Variants in MACROD2 observed in about 807,000 individuals in gnomAD.
The protein encoded by MACROD2 is ADP-ribose glycohydrolase MACROD2.
Under a neutral mutation model 70.4 loss-of-function variants are expected in MACROD2, and 36 were observed. The observed-to-expected ratio is 0.51, with a 90% CI of 0.39 to 0.68. The LOEUF (loss-of-function observed/expected upper bound fraction) is 0.68, where lower values mean the gene tolerates loss of function less well. Among genes scored for constraint, MACROD2 ranks in the 30% least tolerant of loss-of-function variants. The pLI, the probability that MACROD2 is intolerant of heterozygous loss-of-function variation, is 0.00. For synonymous variants in MACROD2, 172 were observed against 178.8 expected (o/e 0.96, Z 0.30); for missense variants, 496 against 538.4 (o/e 0.92, Z 0.78).
In MACROD2 at chr20:14,677,554, GGGT is replaced by G. The variant is rs1413443478; in HGVS notation, c.302-7285_302-7283del. Reference sequence around the variant, plus strand: ...TGCAAGCATTTTGGCCTTCTTATCAGGGTGGTAAATGACAGGTATGTCAGTACA... The same window carrying G: ...TGCAAGCATTTTGGCCTTCTTATCAGGGTAAATGACAGGTATGTCAGTACA... On this transcript the variant is annotated intron_variant, in intron 4 of 17. Coordinates refer to ENST00000684519, the MANE Select transcript of MACROD2 (RefSeq NM_001351661.2). Among the ~76,000 whole-genome samples, 5 of 152,300 alleles carry G rather than the reference GGGT, an allele frequency of 3.3e-5. No homozygotes were observed. In the East Asian group the frequency reaches 7.7e-4, roughly 24 times the overall value.
chr20:15,458,009 T>G lies in MACROD2; in HGVS notation c.571+26574T>G, dbSNP rs577703360. Among the ~76,000 whole-genome samples the G allele has an allele frequency of 1.6e-3, 242 of 151,898 alleles. 1 individual carries two copies. The highest frequency in any genetic ancestry group is 0.01 in the Middle Eastern group (3 of 290). ...AGTACCTAGGGCCGCATCTGATTCA[T>G]AAGGAACCCTTCCATAGTACATCGT... is the stretch of plus-strand genomic sequence containing the variant. On this transcript the variant is annotated intron_variant, in intron 7 of 17. Coordinates refer to ENST00000684519, the MANE Select transcript of MACROD2 (RefSeq NM_001351661.2).
intron 3 of MACROD2, among the ~76,000 whole-genome samples, chr20:14,182,363 A>G (rs2081311658): frequency 6.6e-6 from 1 of 152,064 alleles, no homozygotes; most frequent in African/African-American, 2.4e-5. Flanking sequence ...AGGTTTTTTC[A>G]TATTATAATA....
chr20:14,181,872 T>A (rs1184508038), intron 3 of MACROD2, among the ~76,000 whole-genome samples: 1 of 152,230 alleles, frequency 6.6e-6, no homozygotes, highest in East Asian at 1.9e-4. Context: ...ATACCAAAAT[T>A]TGTTTATACA....
chr20:16,041,049 T>C, intron 15 of MACROD2, 152 bp from the exon 16 acceptor site: 1 of 674,730 alleles, frequency 1.5e-6, no homozygotes, highest in South Asian at 1.9e-5. Context: ...AACTCAACCC[T>C]CTGTTTCCTC....
chr20:16,015,781 A>G (rs1401856102), intron 15 of MACROD2, among the ~76,000 whole-genome samples: 2 of 152,146 alleles, frequency 1.3e-5, no homozygotes, highest in African/African-American at 4.8e-5. Flanking sequence ...ATTTAATAAC[A>G]TTATCGAAGC....
chr20:14,820,954 T>C (rs1488816723), intron 5 of MACROD2, among the ~76,000 whole-genome samples: 1 of 152,044 alleles, frequency 6.6e-6, no homozygotes, highest in African/African-American at 2.4e-5. Flanking sequence ...AACCGTAAAC[T>C]CTCATTTCCC....
intron 5 of MACROD2, among the ~76,000 whole-genome samples, chr20:15,186,442 G>A (rs970860649): frequency 2.6e-5 from 4 of 151,922 alleles, no homozygotes; most frequent in Non-Finnish European, 5.9e-5. Flanking sequence ...AGTGTGTGTG[G>A]GTCTTGTCTT....
chr20:14,230,669 CTATATATA>C (rs71190120), intron 3 of MACROD2, among the ~76,000 whole-genome samples: 4,825 of 92,796 alleles, frequency 0.052, 951 homozygotes, highest in African/African-American at 0.22. Context: ...CAGGCTGGGC[CTATATATA>C]TATATATATA....
intron 3 of MACROD2, among the ~76,000 whole-genome samples, chr20:14,086,733 A>T (rs1314369110): frequency 6.6e-6 from 1 of 152,204 alleles, no homozygotes; most frequent in Non-Finnish European, 1.5e-5. Flanking sequence ...GTAAATGGGG[A>T]CAAAGAGTTT....
chr20:14,773,254 A>T (rs151174710), intron 5 of MACROD2, among the ~76,000 whole-genome samples: 1 of 152,224 alleles, frequency 6.6e-6, no homozygotes, highest in African/African-American at 2.4e-5. Context: ...TGAATATCTG[A>T]TAGATGTATT....
intron 12 of MACROD2, among the ~76,000 whole-genome samples, chr20:15,963,387 C>A (rs771789774): frequency 2.0e-5 from 3 of 152,160 alleles, no homozygotes; most frequent in Non-Finnish European, 4.4e-5. Context: ...TTTAGACCAC[C>A]TAGCTTGAAT....
chr20:15,963,993 C>T (rs369641275), intron 12 of MACROD2, among the ~76,000 whole-genome samples: 3 of 152,076 alleles, frequency 2.0e-5, no homozygotes, highest in Non-Finnish European at 4.4e-5. Context: ...AAGTCAGAAG[C>T]TACATATAAA....
intron 2 of MACROD2, among the ~76,000 whole-genome samples, chr20:14,015,670 T>G (rs1184648527): frequency 6.6e-6 from 1 of 152,228 alleles, no homozygotes; most frequent in Non-Finnish European, 1.5e-5. Flanking sequence ...CCTCTTATTC[T>G]TGACTGTCTC....
chr20:15,102,012 T>C (rs425230), intron 5 of MACROD2, among the ~76,000 whole-genome samples: 5,226 of 152,012 alleles, frequency 0.034, 147 homozygotes, highest in South Asian at 0.11. Flanking sequence ...ATGCACAAAA[T>C]GCTCAAATCA....
At chr20:14,952,448 T>C (rs1029887571) in intron 5 of MACROD2, among the ~76,000 whole-genome samples, 18 of 152,190 alleles carry the variant, frequency 1.2e-4, no homozygotes, top group Non-Finnish European at 7.3e-5. Flanking sequence ...ATATTTGAAG[T>C]TGAGATTTTG....
chr20:14,498,029 T>C (rs554870574), intron 4 of MACROD2, among the ~76,000 whole-genome samples: 2 of 151,738 alleles, frequency 1.3e-5, no homozygotes, highest in Non-Finnish European at 2.9e-5. Context: ...GTTCAGTGCC[T>C]TGTGTTAGTA....
intron 8 of MACROD2, among the ~76,000 whole-genome samples, chr20:15,643,682 G>A (rs1382716654): frequency 6.6e-6 from 1 of 152,170 alleles, no homozygotes; most frequent in Non-Finnish European, 1.5e-5. Flanking sequence ...ACCAAATCGT[G>A]TGCTAACCAC....
intron 8 of MACROD2, among the ~76,000 whole-genome samples, chr20:15,740,609 A>G (rs1470789121): frequency 6.6e-6 from 1 of 152,124 alleles, no homozygotes; most frequent in Non-Finnish European, 1.5e-5. Flanking sequence ...TGTACAGTCA[A>G]CTGCCACTCT....
chr20:14,025,219 C>T (rs1434039313), intron 2 of MACROD2, among the ~76,000 whole-genome samples: 1 of 152,060 alleles, frequency 6.6e-6, no homozygotes, highest in Non-Finnish European at 1.5e-5. Context: ...GGTGATCTCC[C>T]CTTTATCATT....
Sources: gnomAD v4.1 joint callset for allele counts (sites outside exome capture counted in the v4.1 genomes callset) on GRCh38, gnomAD v4.1.1 for gene constraint, MANE v1.5 for transcripts, NCBI Gene and HGNC (gene_info 2026-07-23, HGNC 2026-07-21) for gene names.